The following AK6 variants were observed in gnomAD, a reference collection of about 807,000 sequenced individuals.
AK6 encodes adenylate kinase isoenzyme 6.
AK6 carries 24 observed loss-of-function variants against 23.7 expected under a neutral mutation model. The ratio of observed to expected loss-of-function variants is 1.01; its 90% CI spans 0.73 to 1.43. AK6 has a LOEUF of 1.43. Ranked by LOEUF, AK6 falls within the 40% of genes most tolerant of loss-of-function variation. AK6 has a pLI of 0.00. For synonymous variants in AK6, 73 were observed against 69.8 expected (o/e 1.05, Z -0.23); for missense variants, 191 against 199.1 (o/e 0.96, Z 0.24).
intron 2 of AK6, among the ~76,000 whole-genome samples, chr5:69,362,669 C>A (rs1296082038): frequency 9.2e-5 from 14 of 151,978 alleles, no homozygotes; most frequent in African/African-American, 3.1e-4. Flanking sequence ...ATCACTTGAG[C>A]CCGGGAGGCT....
intron 2 of AK6, chr5:69,365,186 A>G (rs1241860833): frequency 6.2e-7 from 1 of 1,614,200 alleles, no homozygotes; most frequent in South Asian, 1.1e-5. Flanking sequence ...TAAACCTTTG[A>G]CCTGTGAGGG....
chr5:69,355,903 C>T lies in AK6; in HGVS notation c.172G>A (p.Glu58Lys). The T allele has an allele frequency of 6.2e-7, 1 of 1,610,066 alleles. No individual in the cohort carries two copies. Residue 58 changes from glutamate to lysine, a missense_variant, in exon 3 of 5, where the codon GAA becomes AAA. Glu to Lys is a moderately conservative substitution (Grantham distance 56, BLOSUM62 1). Coordinates refer to ENST00000380822, the MANE Select transcript of AK6 (RefSeq NM_016283.5). ...GAAAAAGTCATACTTACTCTGTCTT[C>T]ATCTAAAATGGGACAGTCATACTCT... ...DEEYDCPILD[E>K]DRVVDELDNQ... is the part of the protein sequence containing the mutation.
intron 2 of AK6, among the ~76,000 whole-genome samples, chr5:69,362,631 C>T (rs566903762): frequency 5.5e-4 from 84 of 152,042 alleles, no homozygotes; most frequent in African/African-American, 1.9e-3. Flanking sequence ...GTCTGTAGTC[C>T]CAGCTACTGG....
chr5:69,364,958 G>GTCATCA (rs138635374), intron 2 of AK6: 2 of 1,610,798 alleles, frequency 1.2e-6, no homozygotes, highest in Non-Finnish European at 1.7e-6. Context: ...GATTATCATA[G>GTCATCA]TCATCATCAT....
At chr5:69,360,887 T>TTGCCAACCCCTAG (rs1762214132) in intron 2 of AK6, among the ~76,000 whole-genome samples, 1 of 152,276 alleles carries the variant, frequency 6.6e-6, no homozygotes, top group East Asian at 1.9e-4. Context: ...AGGTTAGAGA[T>TTGCCAACCCCTAG]ATATCAAGAT....
chr5:69,355,868 C>T, intron 3 of AK6, 27 bp downstream of exon 3: 1 of 1,602,420 alleles, frequency 6.2e-7, no homozygotes, highest in Non-Finnish European at 8.5e-7. Context: ...TCAACAAATG[C>T]ATACTTTATG....
intron 1 of AK6, chr5:69,369,236 G>GCC (rs35387047): frequency 5.9e-5 from 7 of 119,522 alleles, no homozygotes; most frequent in African/African-American, 1.6e-4. Context: ...ACCCCCCCCC[G>GCC]CCCCCCCCCG....
rs113614676 is a variant in AK6 at position 69,364,019 on chromosome 5, T to C, written c.121+2484A>G. On this transcript the variant is annotated intron_variant, in intron 2 of 4. Coordinates refer to ENST00000380822, the MANE Select transcript of AK6 (RefSeq NM_016283.5). ...GCAAAGATAGCTGGAACCTGGGACA[T>C]AGAGGTTGCAGTGAGCTGAGATTGT... Among the ~76,000 whole-genome samples the C allele has an allele frequency of 3.4e-4, 52 of 152,024 alleles. 2 individuals are homozygous for C. The highest frequency in any genetic ancestry group is 1.1e-3 in the African/African-American group (47 of 41,476).
intron 2 of AK6, 141 bp from the exon 3 acceptor site, chr5:69,356,094 T>C (rs1358885283): frequency 3.0e-6 from 2 of 668,382 alleles, no homozygotes; most frequent in African/African-American, 3.7e-5. Context: ...AAAATAAATG[T>C]TACATAAACA....
rs968273849 is a variant in AK6, at chr5:69,364,806, T to C, written c.121+1697A>G. On this transcript the variant is annotated intron_variant, in intron 2 of 4. Transcript: ENST00000380822. Reference sequence around the variant, plus strand: ...GGCTGATGAAAAACCTTCATTTCAATTGAAAAGTATGGTAACTGTGTTTAC... The same window carrying C: ...GGCTGATGAAAAACCTTCATTTCAACTGAAAAGTATGGTAACTGTGTTTAC... The C allele has an allele frequency of 2.7e-5, 22 of 807,686 alleles. No individual in the cohort carries two copies. In the African/African-American group the frequency reaches 3.4e-4, roughly 13 times the overall value. The allele number at this position is 807,686 out of a possible 1,614,324, so 50.0% of individuals were successfully genotyped here.
chr5:69,362,592 C>A (rs967568723), intron 2 of AK6, among the ~76,000 whole-genome samples: 2 of 151,976 alleles, frequency 1.3e-5, no homozygotes, highest in African/African-American at 4.8e-5. Context: ...GAATTGGAGA[C>A]CACCCTGGGC....
intron 4 of AK6, 130 bp downstream of exon 4, chr5:69,355,519 A>C: frequency 1.0e-6 from 1 of 956,426 alleles, no homozygotes; most frequent in Non-Finnish European, 1.5e-6. Context: ...TGACAGCGAG[A>C]CTCTATCTCA....
At chr5:69,363,508 G>A (rs1762298081) in intron 2 of AK6, among the ~76,000 whole-genome samples, 2 of 152,216 alleles carry the variant, frequency 1.3e-5, no homozygotes, top group South Asian at 2.1e-4. Context: ...GGCCGGGCTG[G>A]GCGCGGTGGC....
At chr5:69,362,901 A>G (rs1465779990) in intron 2 of AK6, among the ~76,000 whole-genome samples, 1 of 152,136 alleles carries the variant, frequency 6.6e-6, no homozygotes, top group Admixed American at 6.5e-5. Flanking sequence ...CTAATAACAA[A>G]GAGGATGGGT....
upstream of AK6, chr5:69,369,814 G>A (rs1473453045): frequency 5.3e-6 from 6 of 1,123,178 alleles, no homozygotes; most frequent in Non-Finnish European, 7.7e-6. Flanking sequence ...GTCCCCGGGA[G>A]GCCGTACCTC....
At chr5:69,369,406 A>C in intron 1 of AK6, 57 bp downstream of exon 1, 3 of 1,593,100 alleles carry the variant, frequency 1.9e-6, no homozygotes, top group Non-Finnish European at 2.6e-6. Flanking sequence ...CGATGCCCAG[A>C]GCACTCTGCG....
chr5:69,358,517 C>CA (rs5868577), intron 2 of AK6, among the ~76,000 whole-genome samples: 1,137 of 53,912 alleles, frequency 0.021, 52 homozygotes, highest in African/African-American at 0.057. Flanking sequence ...GACTCTGTCT[C>CA]AAAAAAAAAA....
intron 2 of AK6, among the ~76,000 whole-genome samples, chr5:69,356,830 T>C (rs1330259075): frequency 6.6e-6 from 1 of 152,102 alleles, no homozygotes; most frequent in Non-Finnish European, 1.5e-5. Context: ...AGTTAAATAG[T>C]CTCATTTCAG....
At chr5:69,366,683 G>T in intron 1 of AK6, 88 bp from the exon 2 acceptor site, 1 of 1,005,564 alleles carries the variant, frequency 9.9e-7, no homozygotes, top group Non-Finnish European at 1.6e-6. Flanking sequence ...TTATTTTTGA[G>T]ACAGAGTCTC....
Sources: gnomAD v4.1 joint callset for allele counts (sites outside exome capture counted in the v4.1 genomes callset) on GRCh38, gnomAD v4.1.1 for gene constraint, MANE v1.5 for transcripts, NCBI Gene and HGNC (gene_info 2026-07-23, HGNC 2026-07-21) for gene names.